ST6GALNAC3: variants seen among roughly 807,000 people sequenced by gnomAD.
ST6GALNAC3 encodes ST6 N-acetylgalactosaminide alpha-2,6-sialyltransferase 3.
Under a neutral mutation model 32.7 loss-of-function variants are expected in ST6GALNAC3, and 25 were observed. The ratio of observed to expected loss-of-function variants is 0.76; its 90% CI spans 0.56 to 1.07. The LOEUF (loss-of-function observed/expected upper bound fraction) is 1.07. ST6GALNAC3 is among the 50% of genes least tolerant of loss of function. The probability of loss-of-function intolerance (pLI) is 0.00; values close to 1 mark genes in which losing one functional copy is unlikely to be tolerated. For missense variants in ST6GALNAC3, 355 were observed against 382.4 expected (o/e 0.93, Z 0.60); for synonymous variants, 129 against 133.1 (o/e 0.97, Z 0.21).
At chr1:76,452,064 T>C (rs913925938) in intron 3 of ST6GALNAC3, among the ~76,000 whole-genome samples, 3 of 152,170 alleles carry the variant, frequency 2.0e-5, no homozygotes, top group African/African-American at 7.2e-5. Flanking sequence ...TTGTCATAGA[T>C]GGTGATATGG....
At chr1:76,596,038 C>T (rs542396993) in intron 3 of ST6GALNAC3, among the ~76,000 whole-genome samples, 1 of 152,142 alleles carries the variant, frequency 6.6e-6, no homozygotes, top group African/African-American at 2.4e-5. Flanking sequence ...TATAAGCTCC[C>T]CAGGTGACTA....
At chr1:76,483,051 G>C (rs182253314) in intron 3 of ST6GALNAC3, among the ~76,000 whole-genome samples, 1 of 152,176 alleles carries the variant, frequency 6.6e-6, no homozygotes, top group Admixed American at 6.5e-5. Context: ...CAAAGGACAT[G>C]AACTTATCCT....
intron 3 of ST6GALNAC3, among the ~76,000 whole-genome samples, chr1:76,513,939 C>A (rs1213358486): frequency 6.6e-6 from 1 of 151,974 alleles, no homozygotes; most frequent in South Asian, 2.1e-4. Context: ...AATTGTTTTC[C>A]TGAATTCTTT....
chr1:76,142,725 C>A (rs1570164732), intron 1 of ST6GALNAC3: 1 of 351,494 alleles, frequency 2.8e-6, no homozygotes, highest in East Asian at 8.3e-5. Flanking sequence ...CTGTTTGGAC[C>A]TTTTTAGCAG....
At chr1:76,107,383 T>G (rs1647610098) in intron 1 of ST6GALNAC3, among the ~76,000 whole-genome samples, 1 of 151,944 alleles carries the variant, frequency 6.6e-6, no homozygotes, top group Non-Finnish European at 1.5e-5. Flanking sequence ...GAATGGTGGC[T>G]CTGAAGAGTT....
intron 1 of ST6GALNAC3, among the ~76,000 whole-genome samples, chr1:76,138,612 A>T (rs1057312287): frequency 2.0e-5 from 3 of 152,186 alleles, no homozygotes; most frequent in Non-Finnish European, 4.4e-5. Context: ...TTCCAAATAG[A>T]ATGTCACTGC....
At chr1:76,480,352 T>C (rs1366060055) in intron 3 of ST6GALNAC3, among the ~76,000 whole-genome samples, 2 of 152,204 alleles carry the variant, frequency 1.3e-5, no homozygotes, top group South Asian at 2.1e-4. Flanking sequence ...TTCCTATAAC[T>C]AGATCTTGAG....
In ST6GALNAC3 at chr1:76,342,158, T is replaced by C. The variant is rs542222888; in HGVS notation, c.213+28159T>C. Among the ~76,000 whole-genome samples, 928 of 152,298 alleles carry C rather than the reference T, an allele frequency of 6.1e-3. 4 individuals carry two copies. The highest frequency in any genetic ancestry group is 0.021 in the African/African-American group (881 of 41,544). The stretch of plus-strand genomic sequence containing the variant: ...AGGTCTTTGCTATTGTGAATAGTGC[T>C]GCAATAAACATACGTGTGTATGTGT... On this transcript the variant is annotated intron_variant, in intron 2 of 4. Coordinates refer to ENST00000328299, the MANE Select transcript of ST6GALNAC3 (RefSeq NM_152996.4).
intron 1 of ST6GALNAC3, among the ~76,000 whole-genome samples, chr1:76,250,270 C>T (rs1467745701): frequency 6.6e-6 from 1 of 152,160 alleles, no homozygotes; most frequent in Non-Finnish European, 1.5e-5. Context: ...GCTTCAATGG[C>T]TTCCAGACAA....
intron 3 of ST6GALNAC3, among the ~76,000 whole-genome samples, chr1:76,519,878 G>A (rs182253658): frequency 2.6e-5 from 4 of 151,390 alleles, no homozygotes; most frequent in Non-Finnish European, 5.9e-5. Flanking sequence ...TTTAAAAAGT[G>A]TATAAATATA....
chr1:76,192,641 G>A (rs565331384), intron 1 of ST6GALNAC3, among the ~76,000 whole-genome samples: 24 of 152,330 alleles, frequency 1.6e-4, no homozygotes, highest in African/African-American at 5.1e-4. Context: ...TCTGAGGACA[G>A]CTGGTTAAAA....
chr1:76,252,992 G>A (rs1657709267), intron 1 of ST6GALNAC3, among the ~76,000 whole-genome samples: 1 of 152,064 alleles, frequency 6.6e-6, no homozygotes, highest in African/African-American at 2.4e-5. Flanking sequence ...GTAGAGAAGT[G>A]AGAATTTAAA....
intron 1 of ST6GALNAC3, among the ~76,000 whole-genome samples, chr1:76,255,005 G>A (rs927947835): frequency 1.3e-5 from 2 of 150,262 alleles, no homozygotes; most frequent in Non-Finnish European, 1.5e-5. Context: ...AGCCTTCTGC[G>A]TGGTTTCTGC....
At chr1:76,481,834 A>T (rs767752508) in intron 3 of ST6GALNAC3, among the ~76,000 whole-genome samples, 1 of 152,140 alleles carries the variant, frequency 6.6e-6, no homozygotes, top group African/African-American at 2.4e-5. Context: ...AATATTTTAC[A>T]TGCAAATGTC....
chr1:76,621,278 A>C (rs1266445912), intron 3 of ST6GALNAC3, among the ~76,000 whole-genome samples: 7 of 152,082 alleles, frequency 4.6e-5, no homozygotes, highest in African/African-American at 1.4e-4. Context: ...TCTTCCTCTA[A>C]GCTTTACTGC....
intron 3 of ST6GALNAC3, among the ~76,000 whole-genome samples, chr1:76,544,168 A>G (rs910264035): frequency 1.3e-5 from 2 of 151,976 alleles, no homozygotes; most frequent in African/African-American, 4.8e-5. Context: ...GTAATATCAT[A>G]TATTAATTTT....
At chr1:76,139,209 A>ATAT (rs574358999) in intron 1 of ST6GALNAC3, among the ~76,000 whole-genome samples, 2,418 of 152,058 alleles carry the variant, frequency 0.016, 71 homozygotes, top group African/African-American at 0.055. Context: ...AAAAAAAAAA[A>ATAT]AAAAATCTAT....
At chr1:76,324,049 A>G (rs1354611009) in intron 2 of ST6GALNAC3, among the ~76,000 whole-genome samples, 1 of 152,042 alleles carries the variant, frequency 6.6e-6, no homozygotes, top group African/African-American at 2.4e-5. Context: ...TAGTAAAGAC[A>G]TGGTTTCACC....
In ST6GALNAC3 at chr1:76,231,556, T is replaced by C. The variant is rs181693442; in HGVS notation, c.19-82249T>C. 1.7e-3 allele frequency among the ~76,000 whole-genome samples: 263 copies of C among 152,322 alleles called. 3 individuals carry two copies. The highest frequency in any genetic ancestry group is 6.2e-3 in the African/African-American group (256 of 41,580). ...TACTTTCTGTTTCTGTGAGCTTGAC[T>C]ATTCTAGATACCTCCTCATACAAGT... On this transcript the variant is annotated intron_variant, in intron 1 of 4. Coordinates refer to ENST00000328299, the MANE Select transcript of ST6GALNAC3 (RefSeq NM_152996.4).
Sources: allele counts gnomAD v4.1 joint callset (sites outside exome capture counted in the v4.1 genomes callset), GRCh38; gene constraint gnomAD v4.1.1; transcripts MANE v1.5; gene names NCBI Gene and HGNC (gene_info 2026-07-23, HGNC 2026-07-21).